Variants in DAB1 observed in about 807,000 individuals in gnomAD.
DAB1 encodes the protein DAB adaptor protein 1.
A neutral mutation model predicts 64.6 loss-of-function variants in DAB1; 15 were observed. The ratio of observed to expected loss-of-function variants is 0.23; its 90% CI spans 0.16 to 0.36. The LOEUF (loss-of-function observed/expected upper bound fraction) is 0.36, where lower values mean the gene tolerates loss of function less well. Ranked by LOEUF, DAB1 falls within the 10% of genes least tolerant of loss-of-function variation. The probability of loss-of-function intolerance (pLI) is 1.00; values close to 1 mark genes in which losing one functional copy is unlikely to be tolerated. For synonymous variants in DAB1, 235 were observed against 251.9 expected (o/e 0.93, Z 0.64); for missense variants, 596 against 706.7 (o/e 0.84, Z 1.78).
intron 6 of DAB1, among the ~76,000 whole-genome samples, chr1:57,749,806 T>C (rs925974929): frequency 6.6e-6 from 1 of 152,116 alleles, no homozygotes; most frequent in African/African-American, 2.4e-5. Context: ...AGCCAAGAAG[T>C]GGACTTGAGA....
chr1:57,652,900 A>C (rs1255806467), intron 6 of DAB1, among the ~76,000 whole-genome samples: 1 of 152,204 alleles, frequency 6.6e-6, no homozygotes, highest in African/African-American at 2.4e-5. Flanking sequence ...TATGAAAAGA[A>C]GGCACTGAAT....
chr1:57,679,882 C>T (rs1646616216), intron 6 of DAB1, among the ~76,000 whole-genome samples: 1 of 152,176 alleles, frequency 6.6e-6, no homozygotes, highest in South Asian at 2.1e-4. Context: ...ATTTAGCTAA[C>T]ATGGTAACCC....
At chr1:57,428,376 T>C (rs1206126419), upstream of DAB1, among the ~76,000 whole-genome samples, 1 of 152,200 alleles carries the variant, frequency 6.6e-6, no homozygotes, top group Admixed American at 6.5e-5. Context: ...TGAGTTTGAT[T>C]GATTTAGATT....
At chr1:58,047,188 G>A (rs562451205) in intron 5 of DAB1, among the ~76,000 whole-genome samples, 7 of 152,294 alleles carry the variant, frequency 4.6e-5, no homozygotes, top group African/African-American at 1.7e-4. Context: ...GGCTATGAAT[G>A]CAAGCCACAT....
intron 4 of DAB1, among the ~76,000 whole-genome samples, chr1:58,155,412 C>G (rs1470185364): frequency 1.3e-5 from 2 of 152,116 alleles, no homozygotes; most frequent in African/African-American, 2.4e-5. Context: ...CATCCCCCAA[C>G]AAAGAATGAC....
chr1:58,480,830 T>C, intron 3 of DAB1: 1 of 549,134 alleles, frequency 1.8e-6, no homozygotes, highest in South Asian at 3.4e-5. Context: ...AGAATTTAGA[T>C]AATATCTGTA....
chr1:58,480,103 C>A (rs529943530), intron 3 of DAB1, among the ~76,000 whole-genome samples: 1 of 152,200 alleles, frequency 6.6e-6, no homozygotes, highest in South Asian at 2.1e-4. Context: ...GCAGCAATTT[C>A]TGGGCACCAC....
At chr1:57,203,537 A>G (rs532478192) in intron 2 of DAB1, among the ~76,000 whole-genome samples, 7 of 152,306 alleles carry the variant, frequency 4.6e-5, no homozygotes, top group Admixed American at 4.6e-4. Flanking sequence ...GGCATGTGTG[A>G]CAAGGACAGC....
chr1:58,062,907 G>T (rs914497987), intron 5 of DAB1, among the ~76,000 whole-genome samples: 1 of 152,194 alleles, frequency 6.6e-6, no homozygotes, highest in Non-Finnish European at 1.5e-5. Flanking sequence ...GACTGATAGA[G>T]CTGAAAAGTC....
chr1:57,246,664 G>A (rs1463101683), intron 2 of DAB1, among the ~76,000 whole-genome samples: 1 of 152,180 alleles, frequency 6.6e-6, no homozygotes, highest in East Asian at 1.9e-4. Flanking sequence ...TCCACTGACA[G>A]CTTGCATGTG....
intron 5 of DAB1, among the ~76,000 whole-genome samples, chr1:58,092,288 G>A (rs1444065340): frequency 1.3e-5 from 2 of 149,850 alleles, no homozygotes; most frequent in Admixed American, 6.7e-5. Context: ...AGTCAAGATC[G>A]CACCACTGTA....
intron 6 of DAB1, among the ~76,000 whole-genome samples, chr1:57,757,554 T>A (rs1382136482): frequency 6.6e-6 from 1 of 152,166 alleles, no homozygotes; most frequent in Non-Finnish European, 1.5e-5. Flanking sequence ...TCTCCCTGTG[T>A]GACTTCACAT....
At chr1:57,909,173 G>T (rs1352743223) in intron 5 of DAB1, among the ~76,000 whole-genome samples, 1 of 152,138 alleles carries the variant, frequency 6.6e-6, no homozygotes, top group Non-Finnish European at 1.5e-5. Flanking sequence ...AGGGTTGTGG[G>T]TTCTAGTCTT....
At chr1:58,420,031 T>C (rs1206746049) in intron 3 of DAB1, among the ~76,000 whole-genome samples, 1 of 152,216 alleles carries the variant, frequency 6.6e-6, no homozygotes, top group African/African-American at 2.4e-5. Flanking sequence ...TATGTAATCA[T>C]TTCCTGTATA....
At chr1:57,033,055 G>A (rs1647015334) in intron 9 of DAB1, among the ~76,000 whole-genome samples, 5 of 152,104 alleles carry the variant, frequency 3.3e-5, no homozygotes, top group Admixed American at 3.3e-4. Flanking sequence ...CTTTAGGAAA[G>A]CCCCTTTCCT....
chr1:58,300,630 GAGAGAGAGAGAGAGAGAGGAAGGA>G lies in DAB1; in HGVS notation n.309+42698_309+42721del, dbSNP rs1192417808. ...AAAGAAAGAGAGAGAGAGAGAGAGA[GAGAGAGAGAGAGAGAGAGGAAGGA>G]AGGAAGGAAGGAAGGAAGGAAGGAA... On this transcript the variant is annotated intron_variant and non_coding_transcript_variant, in intron 4 of 20. Transcript: ENST00000485760. Among the ~76,000 whole-genome samples, 94 of 70,900 alleles carry G rather than the reference GAGAGAGAGAGAGAGAGAGGAAGGA, an allele frequency of 1.3e-3. 1 individual carries two copies. The highest frequency in any genetic ancestry group is 5.8e-3 in the South Asian group (8 of 1,370). 46.5% of individuals were successfully genotyped at this position (70,900 alleles called of 152,430 possible).
chr1:58,221,751 T>C (rs772768585), intron 4 of DAB1, among the ~76,000 whole-genome samples: 1 of 152,192 alleles, frequency 6.6e-6, no homozygotes, highest in Admixed American at 6.5e-5. Flanking sequence ...AAATGCAACA[T>C]GGCATCACCA....
intron 5 of DAB1, among the ~76,000 whole-genome samples, chr1:57,921,952 T>C (rs1644813956): frequency 6.6e-6 from 1 of 152,214 alleles, no homozygotes; most frequent in Non-Finnish European, 1.5e-5. Flanking sequence ...TTTCTTGAGC[T>C]AACCCTCACC....
At position 57,218,515 on chromosome 1, in the gene DAB1, TAAAAAAAAAAAA is replaced by T. The variant is rs776398255; in HGVS notation, c.67+72437_67+72448del. On this transcript the variant is annotated intron_variant, in intron 2 of 14. Transcript: ENST00000371236. ...AGCAACATAGTGAGACCCCCATCTC[TAAAAAAAAAAAA>T]AAAAAAAAAAAAAAAACAGAAAAAA... Among the ~76,000 whole-genome samples, 48 of 71,454 alleles carry T rather than the reference TAAAAAAAAAAAA, an allele frequency of 6.7e-4. 1 individual carries two copies. Among genetic ancestry groups the T allele is most frequent in the Admixed American group, 3.2e-3 (18 of 5,618 alleles). 46.9% of individuals were successfully genotyped at this position (71,454 alleles called of 152,430 possible).
Sources: gnomAD v4.1 joint callset for allele counts (sites outside exome capture counted in the v4.1 genomes callset) on GRCh38, gnomAD v4.1.1 for gene constraint, MANE v1.5 for transcripts, NCBI Gene and HGNC (gene_info 2026-07-23, HGNC 2026-07-21) for gene names.